The following ELOVL5 variants were observed in gnomAD, a reference collection of about 807,000 sequenced individuals.
The protein encoded by ELOVL5 is ELOVL fatty acid elongase 5.
In ELOVL5, 8 loss-of-function variants were observed where a neutral mutation model predicts 38.6. That is an observed-to-expected ratio of 0.21 (90% CI 0.12 to 0.37). The LOEUF is 0.37. Ranked by LOEUF, ELOVL5 falls within the 10% of genes least tolerant of loss-of-function variation. ELOVL5 has a pLI of 1.00. For missense variants in ELOVL5, 280 were observed against 367.8 expected (o/e 0.76, Z 1.95); for synonymous variants, 127 against 133.7 (o/e 0.95, Z 0.34).
At chr6:53,285,214 T>C (rs1216453707) in intron 3 of ELOVL5, among the ~76,000 whole-genome samples, 1 of 152,164 alleles carries the variant, frequency 6.6e-6, no homozygotes, top group East Asian at 1.9e-4. Context: ...CTGAAGGAAA[T>C]TAAAAGTGCT....
At chr6:53,286,849 T>G (rs1181171878) in intron 3 of ELOVL5, among the ~76,000 whole-genome samples, 6 of 152,182 alleles carry the variant, frequency 3.9e-5, no homozygotes, top group African/African-American at 1.4e-4. Flanking sequence ...TACTATGTGT[T>G]GTCATGTATA....
intron 1 of ELOVL5, among the ~76,000 whole-genome samples, chr6:53,314,554 G>A (rs1307859337): frequency 6.6e-6 from 1 of 152,180 alleles, no homozygotes; most frequent in East Asian, 1.9e-4. Flanking sequence ...CCTTTACTGA[G>A]CACCAAATGT....
intron 1 of ELOVL5, among the ~76,000 whole-genome samples, chr6:53,298,560 C>T (rs1272597127): frequency 1.3e-5 from 2 of 152,044 alleles, no homozygotes; most frequent in African/African-American, 4.8e-5. Flanking sequence ...AAGTAACTGC[C>T]TTTAAGAAGA....
chr6:53,307,615 A>C (rs1313275664), intron 1 of ELOVL5, among the ~76,000 whole-genome samples: 1 of 152,232 alleles, frequency 6.6e-6, no homozygotes, highest in Non-Finnish European at 1.5e-5. Flanking sequence ...GCTCACATCC[A>C]TACCTCACAG....
intron 5 of ELOVL5, among the ~76,000 whole-genome samples, chr6:53,273,869 T>C (rs1766013479): frequency 6.6e-6 from 1 of 152,210 alleles, no homozygotes; most frequent in Non-Finnish European, 1.5e-5. Flanking sequence ...TCTAGCTCCT[T>C]AGAGATAAAA....
In ELOVL5 at chr6:53,268,421, C is replaced by T. The variant is rs572371808; in HGVS notation, c.*706G>A. ...AGTTTCATCACGACTGCTGTAGAGC[C>T]CCCCCCTTTTTACATTAATAGTGGC... On this transcript the variant is annotated 3_prime_UTR_variant, in exon 8 of 8. Coordinates refer to ENST00000304434, the MANE Select transcript of ELOVL5 (RefSeq NM_021814.5). The T allele has an allele frequency of 2.7e-5, 4 of 145,946 alleles. No homozygotes were observed. Among genetic ancestry groups the T allele is most frequent in the Non-Finnish European group, 4.4e-5 (3 of 67,922 alleles). 9.0% of individuals were successfully genotyped at this position (145,946 alleles called of 1,614,324 possible). A position where few individuals can be genotyped will look rare whatever the true frequency, so the allele number is the denominator to read the frequency against.
chr6:53,345,176 GAATCCCCAT>G (rs1769485519), intron 1 of ELOVL5, among the ~76,000 whole-genome samples: 1 of 152,172 alleles, frequency 6.6e-6, no homozygotes, highest in East Asian at 1.9e-4. Context: ...GGAAGTCAGG[GAATCCCCAT>G]GTGAGATTAT....
At chr6:53,305,325 G>A (rs1482709747) in intron 1 of ELOVL5, among the ~76,000 whole-genome samples, 6 of 136,680 alleles carry the variant, frequency 4.4e-5, no homozygotes, top group South Asian at 2.3e-4. Flanking sequence ...GGCCGGGCAG[G>A]GGGCTGACCC....
intron 2 of ELOVL5, among the ~76,000 whole-genome samples, chr6:53,293,002 C>T (rs1448821939): frequency 2.6e-5 from 4 of 152,124 alleles, no homozygotes; most frequent in Non-Finnish European, 1.5e-5. Flanking sequence ...AACAGGTCAG[C>T]CGCCAGCAGC....
At chr6:53,290,105 A>T (rs1766719548) in intron 3 of ELOVL5, 1 of 152,188 alleles carries the variant, frequency 6.6e-6, no homozygotes, top group Non-Finnish European at 1.5e-5. Context: ...CTTCTATTAC[A>T]ATGTGTTCAG....
chr6:53,270,586 G>C lies in ELOVL5; in HGVS notation c.756+7C>G, dbSNP rs1259643424. 7.4e-6 allele frequency: 12 copies of C among 1,614,038 alleles called. No homozygotes were observed. Among genetic ancestry groups the C allele is most frequent in the Non-Finnish European group, 9.3e-6 (11 of 1,179,918 alleles). On this transcript the variant is annotated splice_region_variant and intron_variant, in intron 7 of 7. Transcript: ENST00000304434. The stretch of plus-strand genomic sequence containing the variant: ...GATTCCAAGTCCCAGAGAAGGGTGA[G>C]ATTTACCTGAATGTAGAAGTTTGTG...
intron 2 of ELOVL5, among the ~76,000 whole-genome samples, chr6:53,295,399 T>C (rs996168498): frequency 1.3e-5 from 2 of 152,208 alleles, no homozygotes; most frequent in Admixed American, 1.3e-4. Flanking sequence ...GTGAAATCTA[T>C]AGTATTCTCA....
chr6:53,305,108 AC>A (rs531440954), intron 1 of ELOVL5, among the ~76,000 whole-genome samples: 129 of 109,016 alleles, frequency 1.2e-3, no homozygotes, highest in Non-Finnish European at 2.1e-3. Flanking sequence ...CAGGGGGCTG[AC>A]CCCCCCACCT....
At chr6:53,278,387 T>A (rs1766220703) in intron 3 of ELOVL5, among the ~76,000 whole-genome samples, 1 of 152,034 alleles carries the variant, frequency 6.6e-6, no homozygotes, top group Non-Finnish European at 1.5e-5. Flanking sequence ...GGCGCCTCAA[T>A]CCCAAAGATG....
intron 1 of ELOVL5, among the ~76,000 whole-genome samples, chr6:53,305,332 AC>A (rs765399972): frequency 0.15 from 8,040 of 54,288 alleles, 625 homozygotes; most frequent in Admixed American, 0.35. Flanking sequence ...CAGGGGGCTG[AC>A]CCCCCCACCT....
intron 3 of ELOVL5, among the ~76,000 whole-genome samples, chr6:53,289,133 A>G (rs893314850): frequency 9.9e-5 from 15 of 152,254 alleles, no homozygotes; most frequent in Non-Finnish European, 1.9e-4. Context: ...AGAACTTGCT[A>G]AAGCAGCTGT....
At chr6:53,304,560 G>C (rs956287165) in intron 1 of ELOVL5, among the ~76,000 whole-genome samples, 1 of 152,204 alleles carries the variant, frequency 6.6e-6, no homozygotes, top group Non-Finnish European at 1.5e-5. Context: ...AGTGAACAAA[G>C]GTCTCTGGTT....
At chr6:53,328,342 A>G (rs934555519) in intron 1 of ELOVL5, among the ~76,000 whole-genome samples, 1 of 152,238 alleles carries the variant, frequency 6.6e-6, no homozygotes, top group Non-Finnish European at 1.5e-5. Flanking sequence ...ATCTGGAAAT[A>G]CAGTAGCTCA....
At chr6:53,276,293 T>C (rs1368367509) in intron 3 of ELOVL5, 37 bp from the exon 4 acceptor site, 3 of 1,367,916 alleles carry the variant, frequency 2.2e-6, no homozygotes, top group South Asian at 2.3e-5. Flanking sequence ...CAACAGCATC[T>C]GAGCCATGTA....
Sources: allele counts gnomAD v4.1 joint callset (sites outside exome capture counted in the v4.1 genomes callset), GRCh38; gene constraint gnomAD v4.1.1; transcripts MANE v1.5; gene names NCBI Gene and HGNC (gene_info 2026-07-23, HGNC 2026-07-21).